ACMSD: variants seen among roughly 807,000 people sequenced by gnomAD.
ACMSD encodes 2-amino-3-carboxymuconate-6-semialdehyde decarboxylase.
ACMSD carries 37 observed loss-of-function variants against 45.9 expected under a neutral mutation model. That is an observed-to-expected ratio of 0.81 (90% CI 0.62 to 1.06). The LOEUF (loss-of-function observed/expected upper bound fraction) is 1.06, where lower values mean the gene tolerates loss of function less well. Ranked by LOEUF, ACMSD falls within the 50% of genes least tolerant of loss-of-function variation. ACMSD has a pLI of 0.00. For missense variants in ACMSD, 434 were observed against 420.9 expected, an observed-to-expected ratio of 1.03 and a Z score of -0.27; for synonymous variants, 138 against 148.8, an observed-to-expected ratio of 0.93 and a Z score of 0.53.
intron 8 of ACMSD, among the ~76,000 whole-genome samples, chr2:134,897,680 G>A (rs1331697134): frequency 6.6e-6 from 1 of 151,972 alleles, no homozygotes; most frequent in Non-Finnish European, 1.5e-5. Context: ...GTTGACAAGG[G>A]TACATCTAAA....
At chr2:134,875,096 G>C (rs540318417) in intron 8 of ACMSD, among the ~76,000 whole-genome samples, 45 of 152,228 alleles carry the variant, frequency 3.0e-4, no homozygotes, top group South Asian at 8.3e-4. Context: ...CACCTCCCAG[G>C]CTCAAGCCAT....
Position 134,886,233 on chromosome 2 carries a change from C to CATTATT in ACMSD, c.850-12098_850-12093dup, listed in dbSNP as rs1170785128. Among the ~76,000 whole-genome samples the CATTATT allele has an allele frequency of 3.6e-3, 462 of 128,228 alleles. 12 individuals are homozygous for CATTATT. Among genetic ancestry groups the CATTATT allele is most frequent in the Middle Eastern group, 0.022 (5 of 228 alleles). 84.1% of individuals were successfully genotyped at this position (128,228 alleles called of 152,430 possible). A position where few individuals can be genotyped will look rare whatever the true frequency, so the allele number is the denominator to read the frequency against. The stretch of plus-strand genomic sequence containing the variant: ...TACTTGGCAAAATTCATTACCCATT[C>CATTATT]ATTATTATTATTATTTTTTTTTTTT... On this transcript the variant is annotated intron_variant, in intron 8 of 9. Transcript: ENST00000356140.
intron 1 of ACMSD, among the ~76,000 whole-genome samples, chr2:134,843,681 T>A (rs1425036168): frequency 1.3e-5 from 2 of 152,204 alleles, no homozygotes; most frequent in African/African-American, 4.8e-5. Context: ...GCTTTACTCG[T>A]TGACCCATCA....
At chr2:134,885,336 T>A (rs1261576188) in intron 8 of ACMSD, among the ~76,000 whole-genome samples, 1 of 103,356 alleles carries the variant, frequency 9.7e-6, no homozygotes, top group African/African-American at 4.0e-5. Flanking sequence ...TATGTAAATA[T>A]ATATTTATAT....
chr2:134,848,804 G>A (rs1474509108), intron 2 of ACMSD, among the ~76,000 whole-genome samples: 1 of 152,120 alleles, frequency 6.6e-6, no homozygotes, highest in East Asian at 1.9e-4. Context: ...TGTTGCCATT[G>A]CTTCCGGTGT....
intron 3 of ACMSD, among the ~76,000 whole-genome samples, chr2:134,861,019 ACCCT>A: frequency 6.6e-6 from 1 of 152,050 alleles, no homozygotes; most frequent in Non-Finnish European, 1.5e-5. Context: ...GTGGAGCAAG[ACCCT>A]GTCTCTAAAA....
chr2:134,893,207 G>A (rs1267403899), intron 8 of ACMSD, among the ~76,000 whole-genome samples: 1 of 127,126 alleles, frequency 7.9e-6, no homozygotes, highest in African/African-American at 3.1e-5. Flanking sequence ...ATATCACACT[G>A]CATTTTTTTT....
intron 8 of ACMSD, among the ~76,000 whole-genome samples, chr2:134,885,302 TTTA>T (rs1162037966): frequency 1.9e-3 from 94 of 49,540 alleles, no homozygotes; most frequent in Admixed American, 4.1e-3. Context: ...TATATATATA[TTTA>T]AATATATATA....
intron 8 of ACMSD, among the ~76,000 whole-genome samples, chr2:134,895,897 C>A (rs1690121467): frequency 6.6e-6 from 1 of 152,016 alleles, no homozygotes; most frequent in Admixed American, 6.6e-5. Context: ...AATAGCCAAA[C>A]AATCTAGAAA....
At chr2:134,842,930 A>G (rs1045417043) in intron 1 of ACMSD, among the ~76,000 whole-genome samples, 5 of 152,176 alleles carry the variant, frequency 3.3e-5, no homozygotes, top group African/African-American at 1.2e-4. Context: ...CTGCTAACAT[A>G]TGGGTTACAG....
intron 4 of ACMSD, 132 bp from the exon 5 acceptor site, chr2:134,863,263 C>G: frequency 2.0e-6 from 2 of 1,023,770 alleles, no homozygotes; most frequent in Non-Finnish European, 2.9e-6. Flanking sequence ...CCAATCTGTG[C>G]CTCTGTTTTC....
At chr2:134,870,760 T>C (rs1688393178) in intron 6 of ACMSD, among the ~76,000 whole-genome samples, 1 of 152,148 alleles carries the variant, frequency 6.6e-6, no homozygotes, top group South Asian at 2.1e-4. Flanking sequence ...CTCTAGCCAT[T>C]AGATGACTCT....
At chr2:134,879,811 A>G (rs978441578) in intron 8 of ACMSD, among the ~76,000 whole-genome samples, 1 of 152,214 alleles carries the variant, frequency 6.6e-6, no homozygotes, top group Non-Finnish European at 1.5e-5. Flanking sequence ...TCTTAAAGAA[A>G]TATCTTCAGG....
chr2:134,901,619 T>C (rs1244989764), intron 9 of ACMSD, among the ~76,000 whole-genome samples, 179 bp from the exon 10 acceptor site: 1 of 152,160 alleles, frequency 6.6e-6, no homozygotes, highest in Non-Finnish European at 1.5e-5. Context: ...CAGATTTAGA[T>C]TTCAAACAGC....
At chr2:134,864,209 C>T (rs995537710) in intron 5 of ACMSD, among the ~76,000 whole-genome samples, 5 of 149,374 alleles carry the variant, frequency 3.3e-5, no homozygotes, top group Admixed American at 2.0e-4. Flanking sequence ...AGACAGGTTG[C>T]AGTGAGCCAA....
rs764707620 is a variant in ACMSD at position 134,867,581 on chromosome 2, A to G, written c.489A>G (p.Ala163=). The G allele has an allele frequency of 3.1e-6, 5 of 1,613,626 alleles. No homozygotes were observed. The South Asian group carries it at 3.3e-5, about 11-fold the overall frequency. ...TCTCTCTCATTGCTTCTTTGAAGGC[A>G]GCCGAAAGGCTGAAGTGTTCCCTGT... ...NAQELFPVYA[A]AERLKCSLFV... is the part of the protein sequence containing the mutation. The change falls in exon 6 of 10, where the codon GCA becomes GCG. Residue 163 remains alanine, a splice_region_variant and synonymous_variant. Transcript: ENST00000356140.
In ACMSD at chr2:134,872,659, C is replaced by G; in HGVS notation, c.849+18C>G. ...TAGGAAAGGTAAGCCCAGTCTGCCA[C>G]TTGGATGGCTTATGGGGAGCAGAAT... On this transcript the variant is annotated intron_variant, in intron 8 of 9. Coordinates refer to ENST00000356140, the MANE Select transcript of ACMSD (RefSeq NM_138326.3). The G allele has an allele frequency of 6.2e-7, 1 of 1,614,010 alleles. No homozygotes were observed.
intron 6 of ACMSD, among the ~76,000 whole-genome samples, chr2:134,870,034 G>A (rs995524534): frequency 9.2e-5 from 14 of 152,190 alleles, no homozygotes; most frequent in Non-Finnish European, 1.8e-4. Context: ...TGCCAGGGGC[G>A]TCTCTGCCTG....
At position 134,886,013 on chromosome 2, in the gene ACMSD, T is replaced by C. The variant is rs187317459; in HGVS notation, c.850-12328T>C. 1.5e-4 allele frequency among the ~76,000 whole-genome samples: 23 copies of C among 152,244 alleles called. No homozygotes were observed. The East Asian group carries it at 4.4e-3, about 29-fold the overall frequency. ...TTACCTTCTAGGCAATGGAAAACTA[T>C]TGACAGGGTTTAAGCAGAGATATGC... On this transcript the variant is annotated intron_variant, in intron 8 of 9. Coordinates refer to ENST00000356140, the MANE Select transcript of ACMSD (RefSeq NM_138326.3).
Sources: allele counts gnomAD v4.1 joint callset (sites outside exome capture counted in the v4.1 genomes callset), GRCh38; gene constraint gnomAD v4.1.1; transcripts MANE v1.5; gene names NCBI Gene and HGNC (gene_info 2026-07-23, HGNC 2026-07-21).